Variants in CELA2B observed in about 807,000 individuals in gnomAD.
CELA2B encodes the protein chymotrypsin like elastase 2B, also known as chymotrypsin-like elastase family member 2B.
CELA2B carries 27 observed loss-of-function variants against 36.5 expected under a neutral mutation model. The observed-to-expected ratio is 0.74, with a 90% CI of 0.55 to 1.02. The LOEUF (loss-of-function observed/expected upper bound fraction) is 1.02. CELA2B is among the 50% of genes least tolerant of loss of function. CELA2B has a pLI of 0.00. For missense variants in CELA2B, 340 were observed against 347.8 expected, an observed-to-expected ratio of 0.98 and a Z score of 0.18; for synonymous variants, 143 against 148.5, an observed-to-expected ratio of 0.96 and a Z score of 0.27.
At chr1:15,485,842 C>T in intron 5 of CELA2B, 59 bp from the exon 6 acceptor site, 1 of 1,598,486 alleles carries the variant, frequency 6.3e-7, no homozygotes, top group Non-Finnish European at 8.6e-7. Flanking sequence ...AGGGGTCCAC[C>T]ACTTCCTTTT....
Position 15,489,341 on chromosome 1 carries a change from G to A in CELA2B, c.792+1904G>A, listed in dbSNP as rs116359461. 3.4e-3 allele frequency among the ~76,000 whole-genome samples: 518 copies of A among 152,338 alleles called. 2 individuals are homozygous for A. Among genetic ancestry groups the A allele is most frequent in the Non-Finnish European group, 3.9e-3 (267 of 68,036 alleles). On this transcript the variant is annotated intron_variant, in intron 7 of 7. Coordinates refer to ENST00000375910, the MANE Select transcript of CELA2B (RefSeq NM_015849.3). ...GCAGCAGGGATCCACGGGGCAGCAC[G>A]CCTCCCGAGGCAGCTGGGCAGAGGC...
intron 2 of CELA2B, among the ~76,000 whole-genome samples, chr1:15,477,075 TCCCCA>T (rs773886234): frequency 2.2e-4 from 34 of 152,260 alleles, no homozygotes; most frequent in African/African-American, 7.5e-4. Flanking sequence ...AGCTGTCCCC[TCCCCA>T]CTGCCCATAA....
rs778535200 is a variant in CELA2B, at chr1:15,478,280, G to C, written c.129+1735G>C. On this transcript the variant is annotated intron_variant, in intron 2 of 7. Coordinates refer to ENST00000375910, the MANE Select transcript of CELA2B (RefSeq NM_015849.3). Reference sequence around the variant, plus strand: ...TTTGGTTAGACAGAGTTTTGCTCTTGTTGCCCAGGCTGGAGTGCAATGGTA... The same window carrying C: ...TTTGGTTAGACAGAGTTTTGCTCTTCTTGCCCAGGCTGGAGTGCAATGGTA... 5.8e-4 allele frequency among the ~76,000 whole-genome samples: 88 copies of C among 151,750 alleles called. 2 individuals carry two copies. In the Middle Eastern group the frequency reaches 0.02, roughly 35 times the overall value.
intron 3 of CELA2B, chr1:15,481,543 G>A: frequency 1.9e-6 from 1 of 514,228 alleles, no homozygotes; most frequent in Non-Finnish European, 3.9e-6. Context: ...ACCATCACCT[G>A]CAGAAAATGG....
rs199863613 is a variant in CELA2B at position 15,485,906 on chromosome 1, G to A, written c.499G>A (p.Gly167Arg). 1.8e-4 allele frequency: 284 copies of A among 1,614,136 alleles called. No homozygotes were observed. Among genetic ancestry groups the A allele is most frequent in the East Asian group, 3.1e-4 (14 of 44,882 alleles). Residue 167 changes from glycine to arginine, a missense_variant, in exon 6 of 8, where the codon GGG becomes AGG. Coordinates refer to ENST00000375910, the MANE Select transcript of CELA2B (RefSeq NM_015849.3). ...TTCTCTCTGGTCTCATTCAGCCAAC[G>A]GGGCTCTCCCTGATGACCTGAAGCA... Reference protein sequence around the residue: ...VTGWGRLQTNGALPDDLKQGQ... With the variant: ...VTGWGRLQTNRALPDDLKQGQ...
At chr1:15,483,753 C>T (rs1253703719) in intron 5 of CELA2B, among the ~76,000 whole-genome samples, 2 of 152,070 alleles carry the variant, frequency 1.3e-5, no homozygotes, top group Non-Finnish European at 2.9e-5. Context: ...CATGGTGAAA[C>T]CCCGTCTGTA....
intron 2 of CELA2B, among the ~76,000 whole-genome samples, chr1:15,479,456 G>A (rs760650473): frequency 5.3e-5 from 8 of 152,186 alleles, no homozygotes; most frequent in Non-Finnish European, 8.8e-5. Flanking sequence ...TGAGGCAGGA[G>A]AATGGCTTGA....
intron 7 of CELA2B, among the ~76,000 whole-genome samples, chr1:15,490,243 TC>T (rs1708862612): frequency 1.4e-5 from 2 of 142,896 alleles, no homozygotes; most frequent in Admixed American, 1.4e-4. Context: ...TATCTATCTA[TC>T]TATCTATCTA....
In CELA2B at chr1:15,484,728, C is replaced by T. The variant is rs143543211; in HGVS notation, c.494-1173C>T. ...GGCTTTTCGGCCCAGCTCTGTCGGT[C>T]ACGGTGAAACCTTGGGCAAGCCACT... On this transcript the variant is annotated intron_variant, in intron 5 of 7. Transcript: ENST00000375910. 5.7e-4 allele frequency among the ~76,000 whole-genome samples: 87 copies of T among 152,278 alleles called. 4 individuals carry two copies. The East Asian group carries it at 0.017, about 29-fold the overall frequency.
In CELA2B at chr1:15,483,267, C is replaced by T. The variant is rs199989062; in HGVS notation, c.360C>T (p.Asn120=). 1.7e-4 allele frequency: 270 copies of T among 1,613,732 alleles called. 1 individual carries two copies. Among genetic ancestry groups the T allele is most frequent in the South Asian group, 1.1e-3 (98 of 91,066 alleles). ...DWNSDQVSKG[N]DIALLKLANP... ...CTCCGCCTCCGCACTCACCCAGGAA[C>T]GACATTGCCCTGCTCAAACTGGCTA... Residue 120 remains asparagine (N), a synonymous_variant, in exon 5 of 8, where the codon AAC becomes AAT. Coordinates refer to ENST00000375910, the MANE Select transcript of CELA2B (RefSeq NM_015849.3).
intron 2 of CELA2B, among the ~76,000 whole-genome samples, chr1:15,480,104 G>A (rs988099872): frequency 2.0e-5 from 3 of 152,182 alleles, no homozygotes; most frequent in African/African-American, 7.2e-5. Flanking sequence ...TGGGAATGGG[G>A]AGAAGAGATG....
chr1:15,481,868 A>G (rs1352828652), intron 3 of CELA2B: 2 of 407,868 alleles, frequency 4.9e-6, no homozygotes, highest in African/African-American at 2.1e-5. Context: ...TCTAGTTCTG[A>G]TTTCTCACTA....
intron 5 of CELA2B, among the ~76,000 whole-genome samples, chr1:15,483,890 C>T (rs1348298389): frequency 6.6e-6 from 1 of 151,580 alleles, no homozygotes; most frequent in Non-Finnish European, 1.5e-5. Flanking sequence ...GATTGCGCTG[C>T]TGCACTCCAG....
chr1:15,476,681 C>T (rs1353036952), intron 2 of CELA2B, 136 bp downstream of exon 2: 3 of 827,150 alleles, frequency 3.6e-6, no homozygotes, highest in East Asian at 2.6e-5. Flanking sequence ...CAGGAAACTT[C>T]ACCAACAAGA....
chr1:15,486,183 T>A, intron 6 of CELA2B, 137 bp downstream of exon 6: 1 of 1,165,538 alleles, frequency 8.6e-7, no homozygotes, highest in Non-Finnish European at 1.2e-6. Flanking sequence ...ACCAGATATA[T>A]CAGAACCTGA....
Position 15,483,341 on chromosome 1 carries a change from C to A in CELA2B, c.434C>A (p.Ala145Asp). The change falls in exon 5 of 8, where the codon GCC becomes GAC. Residue 145 changes from alanine (A) to aspartate (D), a missense_variant. Coordinates refer to ENST00000375910, the MANE Select transcript of CELA2B (RefSeq NM_015849.3). ...DKIQLACLPP[A>D]GTILPNNYPC... ...ATCCAGCTGGCCTGCCTCCCTCCTG[C>A]CGGCACCATTCTACCCAACAACTAC... is the stretch of plus-strand genomic sequence containing the variant. 6.2e-7 allele frequency: 1 copy of A among 1,614,124 alleles called. No homozygotes were observed. The highest frequency in any genetic ancestry group is 8.5e-7 in the Non-Finnish European group (1 of 1,179,970).
Position 15,481,189 on chromosome 1 carries a change from G to A in CELA2B, c.221G>A (p.Cys74Tyr), listed in dbSNP as rs1363609368. The change falls in exon 3 of 8, where the codon TGC becomes TAC. Residue 74 changes from cysteine to tyrosine, a missense_variant. Physicochemically the swap from Cys to Tyr is radical, Grantham distance 194 (BLOSUM62 -2). Transcript: ENST00000375910. Reference sequence around the variant, plus strand: ...AGCTGGGTCCTGACGGCTGCCCACTGCATCAGGTAACTGCCATTCCCTGGG... The same window carrying A: ...AGCTGGGTCCTGACGGCTGCCCACTACATCAGGTAACTGCCATTCCCTGGG... ...ANSWVLTAAH[C>Y]ISSSGIYRVM... 1 of 1,614,098 alleles carries A rather than the reference G, an allele frequency of 6.2e-7. No individual in the cohort carries two copies. Among genetic ancestry groups the A allele is most frequent in the Non-Finnish European group, 8.5e-7 (1 of 1,180,054 alleles).
In CELA2B at chr1:15,476,485, G is replaced by T. The variant is rs368888301; in HGVS notation, c.69G>T (p.Ala23=). The T allele has an allele frequency of 6.2e-7, 1 of 1,614,032 alleles. No homozygotes were observed. The highest frequency in any genetic ancestry group is 8.5e-7 in the Non-Finnish European group (1 of 1,180,026). ...GALSCGVSTY[A]PDMSRMLGGE... is the part of the protein sequence containing the mutation. ...TCAGTTGTGGGGTCTCCACTTACGC[G>T]CCTGATATGTCTAGGATGCTTGGAG... The change falls in exon 2 of 8, where the codon GCG becomes GCT. Residue 23 remains alanine, a synonymous_variant. Coordinates refer to ENST00000375910, the MANE Select transcript of CELA2B (RefSeq NM_015849.3).
rs1557524811 is a variant in CELA2B, at chr1:15,482,252, C to T, written c.228-13C>T. 2.5e-6 allele frequency: 4 copies of T among 1,613,522 alleles called. No individual in the cohort carries two copies. Among genetic ancestry groups the T allele is most frequent in the South Asian group, 1.1e-5 (1 of 91,056 alleles). ...CTGGAGGTGACCCTCTCCCTGGGAC[C>T]CCTTTCTCCCAGCTCCTCCGGGATC... is the stretch of plus-strand genomic sequence containing the variant. On this transcript the variant is annotated splice_polypyrimidine_tract_variant and intron_variant, in intron 3 of 7. Coordinates refer to ENST00000375910, the MANE Select transcript of CELA2B (RefSeq NM_015849.3).
Sources: allele counts gnomAD v4.1 joint callset (sites outside exome capture counted in the v4.1 genomes callset), GRCh38; gene constraint gnomAD v4.1.1; transcripts MANE v1.5; gene names NCBI Gene and HGNC (gene_info 2026-07-23, HGNC 2026-07-21).